HIP1: variants seen among roughly 807,000 people sequenced by gnomAD.
The protein encoded by HIP1 is huntingtin interacting protein 1, also known as huntingtin-interacting protein 1.
A neutral mutation model predicts 147.6 loss-of-function variants in HIP1; 65 were observed. The observed-to-expected ratio is 0.44, with a 90% CI of 0.36 to 0.54. HIP1 has a LOEUF of 0.54. Ranked by LOEUF, HIP1 falls within the 20% of genes least tolerant of loss-of-function variation. The probability of loss-of-function intolerance (pLI) is 0.00; values close to 1 mark genes in which losing one functional copy is unlikely to be tolerated. For synonymous variants in HIP1, 479 were observed against 504.0 expected, an observed-to-expected ratio of 0.95 and a Z score of 0.67; for missense variants, 1,061 against 1,299.6, an observed-to-expected ratio of 0.82 and a Z score of 2.82.
chr7:75,610,809 C>T (rs1443697452), intron 1 of HIP1, among the ~76,000 whole-genome samples: 2 of 149,736 alleles, frequency 1.3e-5, no homozygotes, highest in Non-Finnish European at 3.0e-5. Context: ...TCAAGACCAG[C>T]CTGGGCAACA....
At chr7:75,590,570 T>C (rs782045413) in intron 4 of HIP1, among the ~76,000 whole-genome samples, 1 of 151,920 alleles carries the variant, frequency 6.6e-6, no homozygotes, top group South Asian at 2.1e-4. Flanking sequence ...TAAATGTAAA[T>C]AGACTAAATG....
rs1800451064 is a variant in HIP1 at position 75,691,503 on chromosome 7, A to T, written c.120+47298T>A. On this transcript the variant is annotated intron_variant, in intron 1 of 30. Coordinates refer to ENST00000336926, the MANE Select transcript of HIP1 (RefSeq NM_005338.7). ...GAGACTCTGTCTCAAAAAAACAAAAAACTTCCAGAATAGGGCCGGGCGCGG... is the reference window on the plus strand; with the variant it reads ...GAGACTCTGTCTCAAAAAAACAAAATACTTCCAGAATAGGGCCGGGCGCGG... Among the ~76,000 whole-genome samples the T allele has an allele frequency of 2.0e-5, 3 of 150,794 alleles. No homozygotes were observed. The South Asian group carries it at 6.4e-4, about 32-fold the overall frequency.
chr7:75,553,403 C>T (rs587625679), intron 22 of HIP1, 50 bp downstream of exon 22: 42 of 1,594,468 alleles, frequency 2.6e-5, no homozygotes, highest in East Asian at 1.1e-4. Context: ...TTCACCAGCA[C>T]GCACACCCAG....
At chr7:75,650,298 T>C (rs1554511781) in intron 1 of HIP1, among the ~76,000 whole-genome samples, 1 of 151,882 alleles carries the variant, frequency 6.6e-6, no homozygotes, top group East Asian at 1.9e-4. Flanking sequence ...CTGCCAGAGC[T>C]CTCTGCCCCT....
intron 9 of HIP1, 83 bp from the exon 10 acceptor site, chr7:75,563,346 G>GC (rs1795297173): frequency 8.0e-7 from 1 of 1,243,612 alleles, no homozygotes; most frequent in African/African-American, 1.5e-5. Flanking sequence ...TGGCTTTCCT[G>GC]CCCCCTCCCC....
chr7:75,547,884 T>A, intron 23 of HIP1, 71 bp from the exon 24 acceptor site: 1 of 1,349,472 alleles, frequency 7.4e-7, no homozygotes, highest in Non-Finnish European at 1.1e-6. Context: ...TACTATACTT[T>A]CAGTCCAACA....
In HIP1 at chr7:75,538,037, A is replaced by G. The variant is rs908970208; in HGVS notation, c.*135T>C. On this transcript the variant is annotated 3_prime_UTR_variant, in exon 31 of 31. Transcript: ENST00000336926. ...GAGGGAGTCTTTGGAAGTGTCATGC[A>G]TGTCCTCGGCACTGGGTAATGGCAG... The G allele has an allele frequency of 6.7e-6, 5 of 748,900 alleles. No homozygotes were observed. In the African/African-American group the frequency reaches 6.9e-5, roughly 10 times the overall value. 46.4% of individuals were successfully genotyped at this position (748,900 alleles called of 1,614,324 possible). A position where few individuals can be genotyped will look rare whatever the true frequency, so the allele number is the denominator to read the frequency against.
Position 75,555,562 on chromosome 7 carries a change from T to TC in HIP1, c.1828-12dup, listed in dbSNP as rs200519308. The TC allele has an allele frequency of 1.1e-3, 1,783 of 1,614,016 alleles. 13 individuals carry two copies. The African/African-American group carries it at 0.02, about 18-fold the overall frequency. ...CTGGCACATAGATTCCTAAAAATGG[T>TC]CCAGGGAGGTGAGAGTCTGCCCTAG... is the stretch of plus-strand genomic sequence containing the variant. On this transcript the variant is annotated splice_polypyrimidine_tract_variant and intron_variant, in intron 18 of 30. Transcript: ENST00000336926.
At position 75,683,042 on chromosome 7, in the gene HIP1, G is replaced by A. The variant is rs372514053; in HGVS notation, c.120+55759C>T. On this transcript the variant is annotated intron_variant, in intron 1 of 30. Transcript: ENST00000336926. ...CTGTCGCCCAGGCTAGAGTGCAGTG[G>A]TGCGATCTCGGCTCACTGCAAACTC... Among the ~76,000 whole-genome samples the A allele has an allele frequency of 2.0e-5, 3 of 152,140 alleles. No homozygotes were observed. In the East Asian group the frequency reaches 5.8e-4, roughly 29 times the overall value.
rs35659268 is a variant in HIP1, at chr7:75,621,963, G to A, written c.121-22716C>T. Among the ~76,000 whole-genome samples the A allele has an allele frequency of 3.5e-3, 529 of 152,176 alleles. 4 individuals are homozygous for A. The highest frequency in any genetic ancestry group is 6.8e-3 in the Middle Eastern group (2 of 294). On this transcript the variant is annotated intron_variant, in intron 1 of 30. Coordinates refer to ENST00000336926, the MANE Select transcript of HIP1 (RefSeq NM_005338.7). ...CCAGTGGAGCTGTGGGTGAGCAGTGGGCTGTGCCGCATCTGGAGTTCAGAA... is the reference window on the plus strand; with the variant it reads ...CCAGTGGAGCTGTGGGTGAGCAGTGAGCTGTGCCGCATCTGGAGTTCAGAA...
At chr7:75,715,477 AG>A (rs1554520491) in intron 1 of HIP1, among the ~76,000 whole-genome samples, 10 of 150,450 alleles carry the variant, frequency 6.6e-5, no homozygotes, top group African/African-American at 2.0e-4. Context: ...AGAGAGAGAG[AG>A]AGAGAGAGAA....
At chr7:75,598,403 G>GA (rs587640388) in intron 2 of HIP1, among the ~76,000 whole-genome samples, 32,525 of 124,348 alleles carry the variant, frequency 0.26, 4,004 homozygotes, top group African/African-American at 0.37. Context: ...TCTCAAAAAA[G>GA]AAAAAAAAAA....
At chr7:75,552,528 A>T (rs1006913553) in intron 22 of HIP1, among the ~76,000 whole-genome samples, 31 of 150,340 alleles carry the variant, frequency 2.1e-4, no homozygotes, top group East Asian at 1.8e-3. Flanking sequence ...TAAAAAAAAA[A>T]TTTTATTTTG....
At chr7:75,639,008 G>T in intron 1 of HIP1, 1 of 870,262 alleles carries the variant, frequency 1.1e-6, no homozygotes, top group Non-Finnish European at 1.4e-6. Context: ...AGGGCTGGGG[G>T]TGTGGGGAGG....
intron 8 of HIP1, among the ~76,000 whole-genome samples, chr7:75,572,422 G>A (rs1412693406): frequency 2.0e-5 from 3 of 152,054 alleles, no homozygotes; most frequent in Non-Finnish European, 4.4e-5. Flanking sequence ...AAATGGTCTG[G>A]AAATCATTAT....
chr7:75,628,026 G>T (rs1798101019), intron 1 of HIP1, among the ~76,000 whole-genome samples: 1 of 152,210 alleles, frequency 6.6e-6, no homozygotes, highest in Non-Finnish European at 1.5e-5. Context: ...AGGAATGAAT[G>T]TGCTCACTCC....
At chr7:75,542,115 G>A in intron 28 of HIP1, 135 bp from the exon 29 acceptor site, 1 of 728,300 alleles carries the variant, frequency 1.4e-6, no homozygotes, top group East Asian at 2.5e-5. Flanking sequence ...TAAGTGAGGG[G>A]GCCAGACAAC....
intron 1 of HIP1, chr7:75,639,139 C>T (rs1798551580): frequency 1.0e-6 from 1 of 984,570 alleles, no homozygotes; most frequent in African/African-American, 1.7e-5. Context: ...CGGCTAATCG[C>T]GCCCCGAGGG....
chr7:75,731,661 C>T (rs1004360638), intron 1 of HIP1, among the ~76,000 whole-genome samples: 8 of 152,080 alleles, frequency 5.3e-5, no homozygotes, highest in Non-Finnish European at 8.8e-5. Flanking sequence ...GGGTGCTACA[C>T]AGCCTGGCTC....
Sources: allele counts gnomAD v4.1 joint callset (sites outside exome capture counted in the v4.1 genomes callset), GRCh38; gene constraint gnomAD v4.1.1; transcripts MANE v1.5; gene names NCBI Gene and HGNC (gene_info 2026-07-23, HGNC 2026-07-21).